The following GAS7 variants were observed in gnomAD, a reference collection of about 807,000 sequenced individuals.
The protein encoded by GAS7 is growth arrest specific 7.
GAS7 carries 28 observed loss-of-function variants against 71.1 expected under a neutral mutation model. The ratio of observed to expected loss-of-function variants is 0.39; its 90% confidence interval spans 0.29 to 0.54. The LOEUF (loss-of-function observed/expected upper bound fraction) is 0.54, where lower values mean the gene tolerates loss of function less well. Among genes scored for constraint, GAS7 ranks in the 20% least tolerant of loss-of-function variants. The pLI is 0.62. For missense variants in GAS7, 436 were observed against 627.8 expected, an observed-to-expected ratio of 0.69 and a Z score of 3.27; for synonymous variants, 258 against 245.8, an observed-to-expected ratio of 1.05 and a Z score of -0.46.
intron 1 of GAS7, among the ~76,000 whole-genome samples, chr17:10,068,896 A>G (rs1037583028): frequency 1.3e-5 from 2 of 152,138 alleles, no homozygotes; most frequent in East Asian, 3.9e-4. Flanking sequence ...GTCACATAGG[A>G]TGTGCCTAAT....
intron 1 of GAS7, among the ~76,000 whole-genome samples, chr17:10,178,801 C>CTCT (rs965984749): frequency 2.1e-5 from 3 of 144,984 alleles, no homozygotes. Context: ...GATCTCTGCC[C>CTCT]TCTTCCCTGT....
At position 9,916,933 on chromosome 17, in the gene GAS7, G is replaced by C; in HGVS notation, c.*295C>G. On this transcript the variant is annotated 3_prime_UTR_variant, in exon 14 of 14. Coordinates refer to ENST00000432992, the MANE Select transcript of GAS7 (RefSeq NM_201433.2). ...GTGACAGTGACCCCTACAAAACTCG[G>C]CAAGGACCACAAAGTTCCAGCCTCT... 1 of 509,842 alleles carries C rather than the reference G, an allele frequency of 2.0e-6. No individual in the cohort carries two copies. The highest frequency in any genetic ancestry group is 3.5e-6 in the Non-Finnish European group (1 of 286,696). The allele number at this position is 509,842 out of a possible 1,614,324, so 31.6% of individuals were successfully genotyped here. A position where few individuals can be genotyped will look rare whatever the true frequency, so the allele number is the denominator to read the frequency against.
intron 1 of GAS7, among the ~76,000 whole-genome samples, chr17:10,061,797 C>A (rs995945539): frequency 1.3e-5 from 2 of 152,162 alleles, no homozygotes; most frequent in African/African-American, 4.8e-5. Flanking sequence ...CCCAGCCTCC[C>A]TCTCAGGCCA....
chr17:9,982,861 G>GAAAGAAAGC (rs1423049400), intron 2 of GAS7, among the ~76,000 whole-genome samples: 3 of 144,096 alleles, frequency 2.1e-5, no homozygotes, highest in South Asian at 2.3e-4. Flanking sequence ...AAGAAAGAAA[G>GAAAGAAAGC]AAAGAAAGCA....
At chr17:9,993,825 A>T (rs912013761) in intron 2 of GAS7, among the ~76,000 whole-genome samples, 2 of 151,936 alleles carry the variant, frequency 1.3e-5, no homozygotes, top group Non-Finnish European at 2.9e-5. Context: ...AAGCAACTTC[A>T]GCAAAGTCTC....
intron 1 of GAS7, among the ~76,000 whole-genome samples, chr17:10,092,374 C>T (rs1214247785): frequency 6.6e-6 from 1 of 152,174 alleles, no homozygotes; most frequent in Non-Finnish European, 1.5e-5. Context: ...CTGCTTTCCC[C>T]AGCAGAATCT....
chr17:10,042,638 T>C (rs2072889557), intron 1 of GAS7, among the ~76,000 whole-genome samples: 1 of 152,198 alleles, frequency 6.6e-6, no homozygotes, highest in Non-Finnish European at 1.5e-5. Context: ...CAGTGCCAAA[T>C]GCTATGTGAT....
chr17:10,197,061 G>A (rs2074545770), intron 1 of GAS7, among the ~76,000 whole-genome samples: 1 of 152,168 alleles, frequency 6.6e-6, no homozygotes, highest in Admixed American at 6.5e-5. Flanking sequence ...CTCTGGACCT[G>A]AAAGCAATCT....
chr17:10,041,709 C>T (rs190761407), intron 1 of GAS7, among the ~76,000 whole-genome samples: 21 of 152,270 alleles, frequency 1.4e-4, no homozygotes, highest in Non-Finnish European at 2.9e-4. Context: ...TAGTGATTAG[C>T]GTTGGCCGTG....
rs2067462295 is a variant in GAS7 at position 9,912,373 on chromosome 17, GAACA to G, written c.*4851_*4854del. On this transcript the variant is annotated 3_prime_UTR_variant, in exon 14 of 14. Coordinates refer to ENST00000432992, the MANE Select transcript of GAS7 (RefSeq NM_201433.2). The stretch of plus-strand genomic sequence containing the variant: ...GCCGGTGGCCTGAGACACTCATCTA[GAACA>G]AACACCCTCAGCTTGCAGATGAAGC... The G allele has an allele frequency of 4.3e-6, 1 of 232,898 alleles. No individual in the cohort carries two copies. Among genetic ancestry groups the G allele is most frequent in the African/African-American group, 2.2e-5 (1 of 45,306 alleles). The allele number at this position is 232,898 out of a possible 1,614,324, so 14.4% of individuals were successfully genotyped here.
Position 10,078,347 on chromosome 17 carries a change from C to G in GAS7, c.184-58450G>C, listed in dbSNP as rs144145670. ...GCTCAAGAGATCAACCTGCCTCAGC[C>G]TCCCAAAGTGGTGGGATTACAGGCA... On this transcript the variant is annotated intron_variant, in intron 1 of 13. Transcript: ENST00000432992. Among the ~76,000 whole-genome samples the G allele has an allele frequency of 4.0e-3, 612 of 152,284 alleles. 3 individuals carry two copies. The highest frequency in any genetic ancestry group is 0.014 in the African/African-American group (575 of 41,558).
At chr17:10,046,408 A>C (rs2072956883) in intron 1 of GAS7, among the ~76,000 whole-genome samples, 1 of 151,338 alleles carries the variant, frequency 6.6e-6, no homozygotes, top group African/African-American at 2.4e-5. Flanking sequence ...AAAAAAAAAA[A>C]CTCGAGAACC....
chr17:9,971,170 G>A (rs1028198432), intron 3 of GAS7, among the ~76,000 whole-genome samples: 76 of 152,308 alleles, frequency 5.0e-4, no homozygotes, highest in Middle Eastern at 3.4e-3. Context: ...GTGGAGGTGG[G>A]AGGATCGCTT....
chr17:10,082,822 A>G (rs1333578729), intron 1 of GAS7, among the ~76,000 whole-genome samples: 1 of 152,244 alleles, frequency 6.6e-6, no homozygotes, highest in Non-Finnish European at 1.5e-5. Flanking sequence ...AAAGGGGTGA[A>G]CCATTGGTAC....
rs2074556290 is a variant in GAS7, at chr17:10,198,337, G to A, written c.54C>T (p.Gly18=). Residue 18 remains glycine, a synonymous_variant, in exon 1 of 14, where the codon GGC becomes GGT. Coordinates refer to ENST00000432992, the MANE Select transcript of GAS7 (RefSeq NM_201433.2). ...CGCCCGCGGCGAAGCGCAGCCCCTG[G>A]CCGTGCCGCTCCCCGGAGAAGGGGT... is the stretch of plus-strand genomic sequence containing the variant. ...TLYPFSGERH[G]QGLRFAAGEL... 1.3e-6 allele frequency: 2 copies of A among 1,599,784 alleles called. No individual in the cohort carries two copies. The highest frequency in any genetic ancestry group is 1.7e-5 in the Admixed American group (1 of 59,892).
rs1567837110 is a variant in GAS7, at chr17:9,969,629, G to A, written c.471+48C>T. ...TGGACTTTGTAATGCAGTTTCCTAGGCCTGCAGAAGCAGTGACCGCTATAC... is the reference window on the plus strand; with the variant it reads ...TGGACTTTGTAATGCAGTTTCCTAGACCTGCAGAAGCAGTGACCGCTATAC... On this transcript the variant is annotated intron_variant, in intron 4 of 13. Coordinates refer to ENST00000432992, the MANE Select transcript of GAS7 (RefSeq NM_201433.2). This position sits in a 1 kb window ranked among gnomAD's most constrained non-coding sequence, Gnocchi z 5.5. 9.8e-6 allele frequency: 11 copies of A among 1,120,292 alleles called. No homozygotes were observed. Among genetic ancestry groups the A allele is most frequent in the Admixed American group, 3.4e-5 (2 of 59,052 alleles). The allele number at this position is 1,120,292 out of a possible 1,614,324, so 69.4% of individuals were successfully genotyped here.
chr17:10,126,631 C>T (rs922166039), intron 1 of GAS7, among the ~76,000 whole-genome samples: 22 of 152,070 alleles, frequency 1.4e-4, no homozygotes, highest in African/African-American at 2.2e-4. Flanking sequence ...CTCACACACT[C>T]GCGCACACAC....
intron 1 of GAS7, among the ~76,000 whole-genome samples, chr17:10,056,060 A>G (rs972449670): frequency 1.3e-5 from 2 of 152,220 alleles, no homozygotes; most frequent in Non-Finnish European, 2.9e-5. Flanking sequence ...TGATAGTCAT[A>G]TAATTTTTCT....
rs140862688 is a variant in GAS7, at chr17:9,997,984, G to A, written c.305-16100C>T. On this transcript the variant is annotated intron_variant, in intron 2 of 13. Coordinates refer to ENST00000432992, the MANE Select transcript of GAS7 (RefSeq NM_201433.2). Reference sequence around the variant, plus strand: ...GTTGACCAGAAGCTCTCTACACCCTGTTTTTCTAGGTTCTTACGGGGGCTT... The same window carrying A: ...GTTGACCAGAAGCTCTCTACACCCTATTTTTCTAGGTTCTTACGGGGGCTT... 6.1e-3 allele frequency among the ~76,000 whole-genome samples: 935 copies of A among 152,150 alleles called. 8 individuals are homozygous for A. The highest frequency in any genetic ancestry group is 0.022 in the African/African-American group (891 of 41,410).
Sources: gnomAD v4.1 joint callset for allele counts (sites outside exome capture counted in the v4.1 genomes callset) on GRCh38, gnomAD v4.1.1 for gene constraint, Gnocchi (gnomAD v3.1) non-coding constraint, MANE v1.5 for transcripts, NCBI Gene and HGNC (gene_info 2026-07-23, HGNC 2026-07-21) for gene names.